The following NPAS3 variants were observed in gnomAD, a reference collection of about 807,000 sequenced individuals.
NPAS3 encodes the protein neuronal PAS domain protein 3, also known as neuronal PAS domain-containing protein 3.
Under a neutral mutation model 73.1 loss-of-function variants are expected in NPAS3, and 14 were observed. That is an observed-to-expected ratio of 0.19 (90% confidence interval 0.13 to 0.30). The LOEUF (loss-of-function observed/expected upper bound fraction) is 0.30. Among genes scored for constraint, NPAS3 ranks in the 10% least tolerant of loss-of-function variants. The pLI, the probability that NPAS3 is intolerant of heterozygous loss-of-function variation, is 1.00. For missense variants in NPAS3, 1,096 were observed against 1,250.0 expected (o/e 0.88, Z 1.86); for synonymous variants, 620 against 541.5 (o/e 1.14, Z -2.01).
chr14:33,281,747 T>TA (rs1340495145), intron 3 of NPAS3, among the ~76,000 whole-genome samples: 1 of 152,184 alleles, frequency 6.6e-6, no homozygotes, highest in Non-Finnish European at 1.5e-5. Flanking sequence ...CCAGAATGGG[T>TA]AAAAAACATT....
chr14:32,961,275 G>C (rs1770668431), intron 1 of NPAS3, among the ~76,000 whole-genome samples: 1 of 151,960 alleles, frequency 6.6e-6, no homozygotes, highest in African/African-American at 2.4e-5. Flanking sequence ...AGCCGGGTGT[G>C]GTGGCGCGTG....
chr14:33,018,578 C>G (rs868173945), intron 1 of NPAS3, among the ~76,000 whole-genome samples: 2 of 152,280 alleles, frequency 1.3e-5, no homozygotes, highest in Middle Eastern at 3.4e-3. Flanking sequence ...ATGAGTGTTA[C>G]TGGTTAAAGG....
At position 33,258,278 on chromosome 14, in the gene NPAS3, T is replaced by C. The variant is rs190480446; in HGVS notation, c.385+42852T>C. 2.6e-4 allele frequency among the ~76,000 whole-genome samples: 39 copies of C among 152,258 alleles called. No homozygotes were observed. The East Asian group carries it at 7.1e-3, about 28-fold the overall frequency. ...CCAGTGTGTTGGCACACACCTGTAG[T>C]CCCAGCTACTTGGGAGGCTGAGATG... On this transcript the variant is annotated intron_variant, in intron 3 of 11. Coordinates refer to ENST00000356141, the Ensembl canonical transcript of NPAS3.
chr14:33,041,242 C>G (rs985233597), intron 1 of NPAS3, among the ~76,000 whole-genome samples: 1 of 152,094 alleles, frequency 6.6e-6, no homozygotes, highest in African/African-American at 2.4e-5. Flanking sequence ...AAATAAGGTG[C>G]TATCTCAGGA....
At chr14:33,295,837 A>C (rs991061929) in intron 3 of NPAS3, among the ~76,000 whole-genome samples, 3 of 152,340 alleles carry the variant, frequency 2.0e-5, no homozygotes, top group African/African-American at 7.2e-5. Context: ...AGTATTGCTC[A>C]CTTATAAGAA....
At chr14:33,411,829 CT>C (rs1245544411) in intron 4 of NPAS3, among the ~76,000 whole-genome samples, 2 of 150,446 alleles carry the variant, frequency 1.3e-5, no homozygotes, top group African/African-American at 5.0e-5. Context: ...TCAAGCTCAG[CT>C]CAGTTTAGAT....
chr14:33,569,722 C>A (rs1057219067), intron 5 of NPAS3, among the ~76,000 whole-genome samples: 16 of 152,144 alleles, frequency 1.1e-4, no homozygotes, highest in African/African-American at 3.4e-4. Flanking sequence ...ATAGCCTTGA[C>A]CTTCACATAT....
Position 33,560,102 on chromosome 14 carries a change from T to C in NPAS3, c.469-19T>C. On this transcript the variant is annotated intron_variant, in intron 4 of 11. Transcript: ENST00000356141. ...TTGTATTTATTAATCTATTTATATA[T>C]TTATTCTTTTTCCTGCAGTCCCTGG... 1 of 845,906 alleles carries C rather than the reference T, an allele frequency of 1.2e-6. No homozygotes were observed. The highest frequency in any genetic ancestry group is 2.1e-6 in the Non-Finnish European group (1 of 486,950). The allele number at this position is 845,906 out of a possible 1,614,324, so 52.4% of individuals were successfully genotyped here.
intron 2 of NPAS3, among the ~76,000 whole-genome samples, chr14:33,066,430 A>G (rs1443621855): frequency 1.3e-5 from 2 of 152,214 alleles, no homozygotes; most frequent in Non-Finnish European, 2.9e-5. Context: ...GCTTGTAGGA[A>G]TAAAGAATGT....
Position 33,763,010 on chromosome 14 carries a change from G to A in NPAS3, c.853-11327G>A, listed in dbSNP as rs537055274. On this transcript the variant is annotated intron_variant, in intron 7 of 11. Coordinates refer to ENST00000356141, the Ensembl canonical transcript of NPAS3. ...TGTACCACTGAATAGTAGAAAAATC[G>A]CTGGGCAAGAGATTAGGAGACCTCT... Among the ~76,000 whole-genome samples the A allele has an allele frequency of 5.3e-5, 8 of 152,292 alleles. 2 individuals are homozygous for A. Among genetic ancestry groups the A allele is most frequent in the Admixed American group, 2.6e-4 (4 of 15,298 alleles).
chr14:33,658,928 G>A (rs1404714660), intron 5 of NPAS3, among the ~76,000 whole-genome samples: 1 of 152,074 alleles, frequency 6.6e-6, no homozygotes, highest in Non-Finnish European at 1.5e-5. Flanking sequence ...ATGGGCTCCT[G>A]TTAATATAAT....
intron 1 of NPAS3, among the ~76,000 whole-genome samples, chr14:32,947,916 A>C (rs1566789999): frequency 6.6e-6 from 1 of 152,006 alleles, no homozygotes. Flanking sequence ...TCTTTTGTTC[A>C]TTGCTTATTC....
chr14:33,586,732 A>T (rs1405239630), intron 5 of NPAS3, among the ~76,000 whole-genome samples: 1 of 152,238 alleles, frequency 6.6e-6, no homozygotes, highest in Non-Finnish European at 1.5e-5. Context: ...AATAAAATAA[A>T]GTAGGTGAAC....
chr14:33,723,924 T>G (rs1162622438), intron 6 of NPAS3, among the ~76,000 whole-genome samples: 3 of 152,054 alleles, frequency 2.0e-5, no homozygotes. Context: ...AACACAAAGT[T>G]CCTTGACTGC....
At chr14:33,654,139 G>A (rs1302551261) in intron 5 of NPAS3, among the ~76,000 whole-genome samples, 2 of 151,228 alleles carry the variant, frequency 1.3e-5, no homozygotes, top group Admixed American at 6.6e-5. Flanking sequence ...TCTTCCATGG[G>A]TTAGGAACAA....
At chr14:33,210,290 T>G (rs527408642) in intron 2 of NPAS3, among the ~76,000 whole-genome samples, 1 of 152,332 alleles carries the variant, frequency 6.6e-6, no homozygotes, top group South Asian at 2.1e-4. Flanking sequence ...AGCTTCATGG[T>G]AGATTCACAA....
chr14:33,403,770 C>G (rs186900518), intron 4 of NPAS3, among the ~76,000 whole-genome samples: 35 of 152,170 alleles, frequency 2.3e-4, no homozygotes, highest in African/African-American at 7.2e-4. Context: ...TTGTGGCCCA[C>G]GGTAATGGTG....
intron 2 of NPAS3, among the ~76,000 whole-genome samples, chr14:33,168,638 A>T (rs2045263454): frequency 6.6e-6 from 1 of 151,844 alleles, no homozygotes; most frequent in African/African-American, 2.4e-5. Flanking sequence ...CCCTAGTGGG[A>T]CTCAGAAGGC....
At chr14:33,579,889 G>A (rs775744406) in intron 5 of NPAS3, among the ~76,000 whole-genome samples, 5 of 152,094 alleles carry the variant, frequency 3.3e-5, no homozygotes, top group Non-Finnish European at 2.9e-5. Flanking sequence ...ATGTTTGAAA[G>A]CATCTGGATG....
Sources: gnomAD v4.1 joint callset for allele counts (sites outside exome capture counted in the v4.1 genomes callset) on GRCh38, gnomAD v4.1.1 for gene constraint, MANE v1.5 for transcripts, NCBI Gene and HGNC (gene_info 2026-07-23, HGNC 2026-07-21) for gene names.